The following VIPR2 variants were observed in gnomAD, a reference collection of about 807,000 sequenced individuals.
The protein encoded by VIPR2 is vasoactive intestinal polypeptide receptor 2.
A neutral mutation model predicts 58.0 loss-of-function variants in VIPR2; 48 were observed. The observed-to-expected ratio is 0.83, with a 90% CI of 0.66 to 1.05. The LOEUF (loss-of-function observed/expected upper bound fraction) is 1.05. Among genes scored for constraint, VIPR2 ranks in the 50% least tolerant of loss-of-function variants. The pLI, the probability that VIPR2 is intolerant of heterozygous loss-of-function variation, is 0.00. For synonymous variants in VIPR2, 243 were observed against 235.2 expected, an observed-to-expected ratio of 1.03 and a Z score of -0.30; for missense variants, 534 against 558.0, an observed-to-expected ratio of 0.96 and a Z score of 0.43.
chr7:159,043,004 C>A, intron 6 of VIPR2, 31 bp downstream of exon 6: 6 of 1,610,072 alleles, frequency 3.7e-6, no homozygotes, highest in Middle Eastern at 1.7e-4. Flanking sequence ...AGGGACAAGA[C>A]AGTGGGACCC....
rs542676083 is a variant in VIPR2 at position 159,096,583 on chromosome 7, A to G, written c.357+7174T>C. ...TCCCCAGGCACCAGCGTATCTGTGCATTTCCTTCTTAACCTCCTTCCCTGG... is the reference window on the plus strand; with the variant it reads ...TCCCCAGGCACCAGCGTATCTGTGCGTTTCCTTCTTAACCTCCTTCCCTGG... On this transcript the variant is annotated intron_variant, in intron 4 of 12. Coordinates refer to ENST00000262178, the MANE Select transcript of VIPR2 (RefSeq NM_003382.5). This position sits in a 1 kb window ranked among gnomAD's most constrained non-coding sequence, Gnocchi z 5.5. Among the ~76,000 whole-genome samples the G allele has an allele frequency of 4.2e-4, 64 of 152,320 alleles. No homozygotes were observed. Among genetic ancestry groups the G allele is most frequent in the African/African-American group, 1.5e-3 (61 of 41,568 alleles).
At chr7:159,126,637 C>T (rs1796659133) in intron 2 of VIPR2, among the ~76,000 whole-genome samples, 1 of 152,172 alleles carries the variant, frequency 6.6e-6, no homozygotes, top group African/African-American at 2.4e-5. Flanking sequence ...AGGGCCTTAG[C>T]TGCAGCCGAG....
intron 6 of VIPR2, among the ~76,000 whole-genome samples, chr7:159,038,222 GCC>G (rs1303288740): frequency 1.3e-5 from 2 of 152,044 alleles, no homozygotes; most frequent in African/African-American, 4.8e-5. Context: ...CCTCCCCTGA[GCC>G]CTGCAGGCGG....
chr7:159,032,299 GTT>G (rs1554497207), intron 10 of VIPR2, among the ~76,000 whole-genome samples: 5 of 152,184 alleles, frequency 3.3e-5, no homozygotes, highest in Non-Finnish European at 7.3e-5. Flanking sequence ...GGAAGTGTCC[GTT>G]TCTCCCAAAT....
At chr7:159,064,075 C>T (rs1451355790) in intron 4 of VIPR2, among the ~76,000 whole-genome samples, 1 of 151,792 alleles carries the variant, frequency 6.6e-6, no homozygotes, top group Non-Finnish European at 1.5e-5. Context: ...GGGGCGTTCA[C>T]CAAGAAATTC....
chr7:159,140,033 C>T (rs570073511), intron 2 of VIPR2, among the ~76,000 whole-genome samples: 1 of 152,264 alleles, frequency 6.6e-6, no homozygotes, highest in East Asian at 1.9e-4. Context: ...CGTAAGAGAG[C>T]TTAGAATTGA....
chr7:159,036,673 T>C, intron 7 of VIPR2, 79 bp downstream of exon 7: 2 of 1,500,178 alleles, frequency 1.3e-6, no homozygotes, highest in South Asian at 2.6e-5. Context: ...GCAAAGTGTT[T>C]TCTGAGCTGA....
chr7:159,084,400 G>A (rs570796177), intron 4 of VIPR2, among the ~76,000 whole-genome samples: 7 of 152,356 alleles, frequency 4.6e-5, no homozygotes, highest in African/African-American at 2.4e-5. Context: ...CAGGAACAGC[G>A]TGAGGCAGGA....
intron 2 of VIPR2, among the ~76,000 whole-genome samples, chr7:159,123,543 T>A (rs1448374660): frequency 6.6e-6 from 1 of 152,192 alleles, no homozygotes; most frequent in Non-Finnish European, 1.5e-5. Context: ...ATTTTCTTTA[T>A]CCAGTCTGTT....
At chr7:159,117,510 G>A (rs911470543) in intron 2 of VIPR2, 2 of 685,844 alleles carry the variant, frequency 2.9e-6, no homozygotes. Flanking sequence ...CTGCTGACCT[G>A]AGTCATGGAC....
At chr7:159,051,398 G>C (rs1854997366) in intron 5 of VIPR2, among the ~76,000 whole-genome samples, 1 of 152,092 alleles carries the variant, frequency 6.6e-6, no homozygotes, top group African/African-American at 2.4e-5. Flanking sequence ...GTGACAACTA[G>C]AAGAATAGTA....
intron 6 of VIPR2, among the ~76,000 whole-genome samples, chr7:159,041,404 A>G (rs1028667641): frequency 3.9e-5 from 6 of 151,906 alleles, no homozygotes; most frequent in Non-Finnish European, 8.8e-5. Flanking sequence ...GCTGGGGTCC[A>G]CTGAGGGTCT....
intron 2 of VIPR2, among the ~76,000 whole-genome samples, chr7:159,120,607 G>A (rs570143661): frequency 2.0e-5 from 3 of 152,296 alleles, no homozygotes; most frequent in Admixed American, 6.5e-5. Flanking sequence ...ATCTCTGCCC[G>A]CTGGGAACAT....
chr7:159,043,173 C>T lies in VIPR2; in HGVS notation c.459G>A (p.Lys153=). The T allele has an allele frequency of 6.2e-7, 1 of 1,601,798 alleles. No individual in the cohort carries two copies. Among genetic ancestry groups the T allele is most frequent in the Non-Finnish European group, 8.5e-7 (1 of 1,173,826 alleles). The part of the protein sequence containing the change: ...TGSIILCLFR[K]LHCTRNYIHL... ...GGATGTAATTCCTGGTGCAGTGCAG[C>T]TTCCTGAGGTGGGGGAGTGGGAGAG... Residue 153 remains lysine, a synonymous_variant, in exon 6 of 13, where the codon AAG becomes AAA. Transcript: ENST00000262178.
At chr7:159,091,277 C>T (rs1400445826) in intron 4 of VIPR2, among the ~76,000 whole-genome samples, 6 of 152,230 alleles carry the variant, frequency 3.9e-5, no homozygotes, top group Non-Finnish European at 7.3e-5. Flanking sequence ...CTCGACTGCT[C>T]GTGGGAATCC....
At position 159,029,188 on chromosome 7, in the gene VIPR2, A is replaced by C. The variant is rs1327996074; in HGVS notation, c.*1428T>G. ...GTCTGTGATGCCACCAATGCACAGG[A>C]ACAAGACATTCATTTTTAAGGGAAA... On this transcript the variant is annotated 3_prime_UTR_variant, in exon 13 of 13. Transcript: ENST00000262178. 1 of 152,256 alleles carries C rather than the reference A, an allele frequency of 6.6e-6. No homozygotes were observed. The highest frequency in any genetic ancestry group is 1.9e-4 in the East Asian group (1 of 5,178). 9.4% of individuals were successfully genotyped at this position (152,256 alleles called of 1,614,324 possible).
At chr7:159,078,162 A>C (rs1856736065) in intron 4 of VIPR2, among the ~76,000 whole-genome samples, 1 of 152,228 alleles carries the variant, frequency 6.6e-6, no homozygotes, top group Admixed American at 6.5e-5. Context: ...AAAATTGTTC[A>C]CATTGAAACT....
chr7:159,073,507 TCC>T (rs1434182859), intron 4 of VIPR2, among the ~76,000 whole-genome samples: 1 of 152,140 alleles, frequency 6.6e-6, no homozygotes, highest in Admixed American at 6.5e-5. Flanking sequence ...AGCCTCTGCC[TCC>T]CGGGTTCAAG....
In VIPR2 at chr7:159,095,734, C is replaced by T. The variant is rs900796419; in HGVS notation, c.357+8023G>A. Among the ~76,000 whole-genome samples, 2 of 152,168 alleles carry T rather than the reference C, an allele frequency of 1.3e-5. No homozygotes were observed. The highest frequency in any genetic ancestry group is 4.8e-5 in the African/African-American group (2 of 41,456). The stretch of plus-strand genomic sequence containing the variant: ...GTCTCCACGAGCCCCTGCTCCTGTC[C>T]AGGCTCCAAATCACATCGACATGAC... On this transcript the variant is annotated intron_variant, in intron 4 of 12. Coordinates refer to ENST00000262178, the MANE Select transcript of VIPR2 (RefSeq NM_003382.5). This position sits in a 1 kb window ranked among gnomAD's most constrained non-coding sequence, Gnocchi z 5.2.
Sources: gnomAD v4.1 joint callset for allele counts (sites outside exome capture counted in the v4.1 genomes callset) on GRCh38, gnomAD v4.1.1 for gene constraint, Gnocchi (gnomAD v3.1) non-coding constraint, MANE v1.5 for transcripts, NCBI Gene and HGNC (gene_info 2026-07-23, HGNC 2026-07-21) for gene names.